ARHGEF26: variants seen among roughly 807,000 people sequenced by gnomAD.
ARHGEF26 encodes Rho guanine nucleotide exchange factor (GEF) 26.
ARHGEF26 carries 59 observed loss-of-function variants against 89.4 expected under a neutral mutation model. The ratio of observed to expected loss-of-function variants is 0.66; its 90% CI spans 0.54 to 0.82. ARHGEF26 has a LOEUF of 0.82. Among genes scored for constraint, ARHGEF26 ranks in the 40% least tolerant of loss-of-function variants. The pLI, the probability that ARHGEF26 is intolerant of heterozygous loss-of-function variation, is 0.00. For synonymous variants in ARHGEF26, 500 were observed against 428.4 expected (o/e 1.17, Z -2.06); for missense variants, 1,234 against 1,085.6 (o/e 1.14, Z -1.92).
intron 9 of ARHGEF26, among the ~76,000 whole-genome samples, chr3:154,213,223 G>A (rs992981219): frequency 7.0e-6 from 1 of 143,022 alleles, no homozygotes; most frequent in Non-Finnish European, 1.6e-5. Context: ...GAGAGTGTGT[G>A]TGTGTGTGTG....
At chr3:154,225,431 C>T (rs1316049470) in intron 10 of ARHGEF26, among the ~76,000 whole-genome samples, 2 of 151,944 alleles carry the variant, frequency 1.3e-5, no homozygotes, top group Non-Finnish European at 2.9e-5. Context: ...GTCTCGTTAA[C>T]CTATAGTTGT....
At chr3:154,192,614 A>G (rs1026441418) in intron 8 of ARHGEF26, among the ~76,000 whole-genome samples, 3 of 151,964 alleles carry the variant, frequency 2.0e-5, no homozygotes, top group African/African-American at 4.8e-5. Context: ...TTTTTTTGAG[A>G]TCAGTATTTA....
chr3:154,223,134 T>C (rs1324723162), intron 10 of ARHGEF26, among the ~76,000 whole-genome samples: 1 of 152,178 alleles, frequency 6.6e-6, no homozygotes, highest in African/African-American at 2.4e-5. Context: ...CATGGAGAAG[T>C]TGAGGTTTCT....
chr3:154,256,864 C>G lies in ARHGEF26; in HGVS notation c.*1391C>G, dbSNP rs767610960. 118 of 1,533,838 alleles carry G rather than the reference C, an allele frequency of 7.7e-5. No individual in the cohort carries two copies. Among genetic ancestry groups the G allele is most frequent in the Middle Eastern group, 3.3e-4 (2 of 6,004 alleles). On this transcript the variant is annotated 3_prime_UTR_variant, in exon 15 of 15. Transcript: ENST00000465093. Reference sequence around the variant, plus strand: ...TTTCTATAGAACTTTACTTTTTCCACTAGTGCACAGAGAGAGAAAGGTTAT... The same window carrying G: ...TTTCTATAGAACTTTACTTTTTCCAGTAGTGCACAGAGAGAGAAAGGTTAT...
Position 154,250,383 on chromosome 3 carries a change from GA to G in ARHGEF26, c.2301-2732del, listed in dbSNP as rs199500521. Among the ~76,000 whole-genome samples, 218 of 149,656 alleles carry G rather than the reference GA, an allele frequency of 1.5e-3. 1 individual carries two copies. The highest frequency in any genetic ancestry group is 4.4e-3 in the South Asian group (20 of 4,588). On this transcript the variant is annotated intron_variant, in intron 12 of 14. Transcript: ENST00000465093. ...GTCCTGTGGATTTGACAGCATCTAAGAGGGGGGGGTGGGACTCACTCAATTG... is the reference window on the plus strand; with the variant it reads ...GTCCTGTGGATTTGACAGCATCTAAGGGGGGGGGTGGGACTCACTCAATTG...
At chr3:154,141,124 G>T (rs561162523) in intron 4 of ARHGEF26, among the ~76,000 whole-genome samples, 2 of 152,072 alleles carry the variant, frequency 1.3e-5, no homozygotes, top group East Asian at 3.9e-4. Flanking sequence ...ACCTTGCCCG[G>T]CTGATTTTTT....
chr3:154,217,139 A>C (rs1237524481), intron 9 of ARHGEF26, among the ~76,000 whole-genome samples: 2 of 151,750 alleles, frequency 1.3e-5, no homozygotes, highest in Non-Finnish European at 2.9e-5. Flanking sequence ...GAACTAGTTT[A>C]CAGTCCCACC....
intron 3 of ARHGEF26, among the ~76,000 whole-genome samples, chr3:154,125,277 C>G (rs932524256): frequency 1.3e-5 from 2 of 152,128 alleles, no homozygotes; most frequent in African/African-American, 4.8e-5. Flanking sequence ...AGGTGATTGT[C>G]AAGTAATTCC....
intron 4 of ARHGEF26, among the ~76,000 whole-genome samples, chr3:154,133,869 T>G (rs1471185235): frequency 6.6e-6 from 1 of 152,224 alleles, no homozygotes; most frequent in African/African-American, 2.4e-5. Flanking sequence ...TCATCCCTGA[T>G]TTCTTTGAGC....
rs1265844032 is a variant in ARHGEF26 at position 154,256,551 on chromosome 3, A to T, written c.*1078A>T. The stretch of plus-strand genomic sequence containing the variant: ...CCCAGCCTACTTTCTAATTAATTAA[A>T]AAAAAAAAAAAAAAAAAAAAAAAAC... On this transcript the variant is annotated 3_prime_UTR_variant, in exon 15 of 15. Transcript: ENST00000465093. 1 of 968,754 alleles carries T rather than the reference A, an allele frequency of 1.0e-6. No individual in the cohort carries two copies. The highest frequency in any genetic ancestry group is 1.9e-5 in the African/African-American group (1 of 53,758). 60.0% of individuals were successfully genotyped at this position (968,754 alleles called of 1,614,324 possible).
chr3:154,226,691 ACACACC>A (rs1300869897), intron 11 of ARHGEF26, among the ~76,000 whole-genome samples: 3 of 139,248 alleles, frequency 2.2e-5, no homozygotes, highest in African/African-American at 7.8e-5. Context: ...ACACACACAC[ACACACC>A]CCTTCAGCTC....
chr3:154,229,527 T>C (rs1437117505), intron 11 of ARHGEF26, among the ~76,000 whole-genome samples: 1 of 152,190 alleles, frequency 6.6e-6, no homozygotes, highest in African/African-American at 2.4e-5. Flanking sequence ...TGACTAGAAG[T>C]TATCTGGGTA....
At chr3:154,240,948 T>C (rs1003739527) in intron 12 of ARHGEF26, among the ~76,000 whole-genome samples, 4 of 152,222 alleles carry the variant, frequency 2.6e-5, no homozygotes, top group Non-Finnish European at 5.9e-5. Flanking sequence ...ATAAGCCTTC[T>C]TAGGTAATGG....
chr3:154,227,729 C>T (rs1322276155), intron 11 of ARHGEF26, among the ~76,000 whole-genome samples: 2 of 152,114 alleles, frequency 1.3e-5, no homozygotes, highest in Non-Finnish European at 2.9e-5. Context: ...CTTCAAATGC[C>T]AGAACTCTTG....
chr3:154,213,235 G>T (rs1180595545), intron 9 of ARHGEF26, among the ~76,000 whole-genome samples: 2 of 134,648 alleles, frequency 1.5e-5, no homozygotes, highest in Admixed American at 1.5e-4. Context: ...GTGTGTGTGT[G>T]TGTGTGTATA....
intron 4 of ARHGEF26, among the ~76,000 whole-genome samples, chr3:154,131,611 A>G (rs1718686465): frequency 6.6e-6 from 1 of 152,130 alleles, no homozygotes; most frequent in Non-Finnish European, 1.5e-5. Flanking sequence ...GTTGGTATGG[A>G]CCATTTGGTA....
intron 11 of ARHGEF26, among the ~76,000 whole-genome samples, chr3:154,237,575 T>C (rs957535524): frequency 3.4e-5 from 2 of 58,256 alleles, no homozygotes; most frequent in Non-Finnish European, 6.8e-5. Flanking sequence ...CACACACACT[T>C]AACTAGTTTA....
At chr3:154,179,394 C>A (rs1412712543) in intron 6 of ARHGEF26, among the ~76,000 whole-genome samples, 1 of 152,130 alleles carries the variant, frequency 6.6e-6, no homozygotes, top group East Asian at 1.9e-4. Flanking sequence ...AGCTTTCTTG[C>A]TTTTTAGAGT....
At chr3:154,166,339 T>C (rs1474946973) in intron 6 of ARHGEF26, among the ~76,000 whole-genome samples, 4 of 152,138 alleles carry the variant, frequency 2.6e-5, no homozygotes, top group East Asian at 1.9e-4. Context: ...CATGAGCCAC[T>C]GTGCCCAGCC....
Sources: gnomAD v4.1 joint callset for allele counts (sites outside exome capture counted in the v4.1 genomes callset) on GRCh38, gnomAD v4.1.1 for gene constraint, MANE v1.5 for transcripts, NCBI Gene and HGNC (gene_info 2026-07-23, HGNC 2026-07-21) for gene names.